HDAC8: variants seen among roughly 807,000 people sequenced by gnomAD.
HDAC8 encodes histone deacetylase 8.
A neutral mutation model predicts 32.2 loss-of-function variants in HDAC8; 1 was observed. That is an observed-to-expected ratio of 0.03 (90% CI 0.01 to 0.15). The LOEUF is 0.15. Among genes scored for constraint, HDAC8 ranks in the 10% least tolerant of loss-of-function variants. HDAC8 has a pLI of 1.00. For missense variants in HDAC8, 117 were observed against 300.0 expected, an observed-to-expected ratio of 0.39 and a Z score of 4.51; for synonymous variants, 108 against 113.9, an observed-to-expected ratio of 0.95 and a Z score of 0.33.
intron 9 of HDAC8, among the ~76,000 whole-genome samples, chrX:72,366,448 A>C (rs907484551): frequency 2.7e-5 from 3 of 111,901 alleles, no homozygotes; most frequent in Non-Finnish European, 5.6e-5. Context: ...TTGCCTCTCT[A>C]CTGTGCCATT....
intron 7 of HDAC8, among the ~76,000 whole-genome samples, chrX:72,487,731 TAAA>T (rs782775030): frequency 2.1e-4 from 16 of 75,006 alleles, no homozygotes; most frequent in Non-Finnish European, 1.6e-4. Context: ...TCTGTTATGG[TAAA>T]AAAAAAAAAA....
intron 9 of HDAC8, among the ~76,000 whole-genome samples, chrX:72,354,658 T>C (rs1441078472): frequency 8.9e-6 from 1 of 112,031 alleles, no homozygotes; most frequent in African/African-American, 3.2e-5. Flanking sequence ...GTGTCTCAGG[T>C]AAGCTTCATT....
chrX:72,382,551 T>C (rs1227741374), intron 9 of HDAC8, among the ~76,000 whole-genome samples: 1 of 112,153 alleles, frequency 8.9e-6, no homozygotes. Context: ...AAAGCTCCTA[T>C]GCGGTAATAA....
At chrX:72,434,659 AAACTGTCAGCATT>A (rs2147958453) in intron 9 of HDAC8, among the ~76,000 whole-genome samples, 1 of 112,077 alleles carries the variant, frequency 8.9e-6, no homozygotes, top group South Asian at 3.7e-4. Flanking sequence ...ACTGGGTACT[AAACTGTCAGCATT>A]TAGGGACTAA....
chrX:72,474,680 G>A, intron 7 of HDAC8: 1 of 1,206,553 alleles, frequency 8.3e-7, no homozygotes, highest in East Asian at 3.0e-5. Context: ...GGGAAGACAA[G>A]CTGCGGCAGC....
intron 10 of HDAC8, among the ~76,000 whole-genome samples, chrX:72,333,130 T>G (rs963760933): frequency 5.9e-5 from 3 of 50,870 alleles, no homozygotes; most frequent in Non-Finnish European, 1.8e-4. Context: ...CTTTTGGTAT[T>G]TCAACCCCCT....
chrX:72,545,529 G>A (rs2050833389), intron 4 of HDAC8, among the ~76,000 whole-genome samples: 1 of 111,788 alleles, frequency 8.9e-6, no homozygotes, highest in African/African-American at 3.3e-5. Context: ...GGGATTCCCT[G>A]TGCCACACTT....
At chrX:72,484,643 T>G (rs1349214664) in intron 7 of HDAC8, among the ~76,000 whole-genome samples, 1 of 112,013 alleles carries the variant, frequency 8.9e-6, no homozygotes, top group Admixed American at 9.5e-5. Flanking sequence ...AATTAAGAAG[T>G]ATTGGCACAA....
intron 10 of HDAC8, among the ~76,000 whole-genome samples, chrX:72,339,197 C>T (rs782167056): frequency 2.2e-4 from 25 of 111,479 alleles, no homozygotes; most frequent in Non-Finnish European, 3.8e-4. Flanking sequence ...TATGCACCCC[C>T]GCTCTCATCC....
chrX:72,379,056 C>T (rs1400362545), intron 9 of HDAC8, among the ~76,000 whole-genome samples: 10 of 111,252 alleles, frequency 9.0e-5, no homozygotes, highest in Non-Finnish European at 1.9e-4. Context: ...CAGGGTTTCG[C>T]CATGTTGGCC....
In HDAC8 at chrX:72,488,939, C is replaced by T. The variant is rs137952838; in HGVS notation, c.731G>A (p.Cys244Tyr). Reference protein sequence around the residue: ...GIQDEKYYQICESVLKEVYQA... With the variant: ...GIQDEKYYQIYESVLKEVYQA... ...GCTAGTGTTACTGCCATACCTTTCA[C>T]AGATCTGGTAATATTTTTCATCTTG... is the stretch of plus-strand genomic sequence containing the variant. Residue 244 changes from cysteine (C) to tyrosine (Y), a missense_variant, in exon 7 of 11, where the codon TGT becomes TAT. This residue lies in a region of HDAC8 where 57 missense variants were observed against 182.0 expected (regional missense o/e 0.31). Transcript: ENST00000373573. The T allele has an allele frequency of 3.7e-5, 43 of 1,165,602 alleles. No individual in the cohort carries two copies. Among genetic ancestry groups the T allele is most frequent in the Non-Finnish European group, 4.8e-5 (41 of 862,785 alleles).
intron 9 of HDAC8, among the ~76,000 whole-genome samples, chrX:72,428,100 TC>T (rs1252396928): frequency 8.9e-6 from 1 of 111,983 alleles, no homozygotes; most frequent in Non-Finnish European, 1.9e-5. Context: ...TATGAATCCT[TC>T]TTTTTTTTTT....
intron 9 of HDAC8, among the ~76,000 whole-genome samples, chrX:72,403,805 C>T (rs1332694011): frequency 4.5e-5 from 5 of 110,879 alleles, no homozygotes; most frequent in Admixed American, 2.9e-4. Context: ...CCGGCCTGGG[C>T]GACAGAGCCA....
intron 7 of HDAC8, chrX:72,466,926 C>T (rs1555994957): frequency 9.0e-6 from 1 of 111,555 alleles, no homozygotes; most frequent in Non-Finnish European, 1.9e-5. Context: ...ATCTGGGTGG[C>T]TCTCAAGGGA....
At chrX:72,401,486 C>T (rs2045900866) in intron 9 of HDAC8, among the ~76,000 whole-genome samples, 1 of 111,900 alleles carries the variant, frequency 8.9e-6, no homozygotes, top group Non-Finnish European at 1.9e-5. Context: ...CTTTGGCCTC[C>T]CAAAGTGCCA....
chrX:72,554,497 G>A (rs570941796), intron 4 of HDAC8, among the ~76,000 whole-genome samples: 12 of 44,007 alleles, frequency 2.7e-4, no homozygotes, highest in Non-Finnish European at 4.2e-4. Flanking sequence ...TAGGGCGGGG[G>A]GAGCGGGGAG....
At chrX:72,464,343 T>C (rs1555992997) in intron 8 of HDAC8, among the ~76,000 whole-genome samples, 1 of 111,811 alleles carries the variant, frequency 8.9e-6, no homozygotes, top group Non-Finnish European at 1.9e-5. Flanking sequence ...GACTTTAGAG[T>C]GCCAAGAAGT....
At chrX:72,487,076 A>G (rs56153257) in intron 7 of HDAC8, among the ~76,000 whole-genome samples, 4,159 of 112,040 alleles carry the variant, frequency 0.037, 87 homozygotes, top group Non-Finnish European at 0.059. Context: ...GTTCTTCAGT[A>G]GGCAAGCTGG....
chrX:72,448,408 T>A (rs1445891714), intron 9 of HDAC8, among the ~76,000 whole-genome samples: 2 of 112,049 alleles, frequency 1.8e-5, no homozygotes, highest in East Asian at 5.6e-4. Flanking sequence ...TGGACCCCTT[T>A]GTTACACCTG....
Sources: allele counts gnomAD v4.1 joint callset (sites outside exome capture counted in the v4.1 genomes callset), GRCh38; gene constraint gnomAD v4.1.1; regional missense constraint gnomAD v4.1.1; transcripts MANE v1.5; gene names NCBI Gene and HGNC (gene_info 2026-07-23, HGNC 2026-07-21).